ST8SIA1: variants seen among roughly 807,000 people sequenced by gnomAD.
ST8SIA1 encodes the protein alpha-N-acetylneuraminide alpha-2,8-sialyltransferase.
Under a neutral mutation model 35.9 loss-of-function variants are expected in ST8SIA1, and 16 were observed. The observed-to-expected ratio is 0.45, with a 90% CI of 0.30 to 0.68. The LOEUF (loss-of-function observed/expected upper bound fraction) is 0.68. Ranked by LOEUF, ST8SIA1 falls within the 30% of genes least tolerant of loss-of-function variation. The pLI is 0.09. For missense variants in ST8SIA1, 383 were observed against 453.6 expected (o/e 0.84, Z 1.41); for synonymous variants, 170 against 169.6 (o/e 1.00, Z -0.02).
chr12:22,334,144 A>G lies in ST8SIA1; in HGVS notation c.89T>C (p.Met30Thr). 1 of 1,613,980 alleles carries G rather than the reference A, an allele frequency of 6.2e-7. No individual in the cohort carries two copies. Among genetic ancestry groups the G allele is most frequent in the Non-Finnish European group, 8.5e-7 (1 of 1,179,968 alleles). The change falls in exon 1 of 5, where the codon ATG becomes ACG. Residue 30 changes from methionine (M) to threonine (T), a missense_variant. By Grantham distance (81) the Met-to-Thr change is moderately conservative (BLOSUM62 -1). Coordinates refer to ENST00000396037, the MANE Select transcript of ST8SIA1 (RefSeq NM_003034.4). ...CACGACACAGAGGGCACTGGCTCCCATGGGCAGCCGGGTCCGCGGGAACTT... is the reference window on the plus strand; with the variant it reads ...CACGACACAGAGGGCACTGGCTCCCGTGGGCAGCCGGGTCCGCGGGAACTT... ...AWKFPRTRLPMGASALCVVVL... is the reference protein window; with the variant it reads ...AWKFPRTRLPTGASALCVVVL...
intron 1 of ST8SIA1, among the ~76,000 whole-genome samples, chr12:22,300,222 G>T (rs1051674224): frequency 6.6e-6 from 1 of 152,086 alleles, no homozygotes; most frequent in African/African-American, 2.4e-5. Flanking sequence ...AGCAATTAAA[G>T]CCTCATCTCC....
chr12:22,314,327 C>T (rs1046946200), intron 1 of ST8SIA1, among the ~76,000 whole-genome samples: 1 of 152,132 alleles, frequency 6.6e-6, no homozygotes, highest in African/African-American at 2.4e-5. Flanking sequence ...GAAAGCCAGC[C>T]AGTATGCCTC....
In ST8SIA1 at chr12:22,215,794, C is replaced by T. The variant is rs114799173; in HGVS notation, c.585-13756G>A. ...ATTTTCATAGCATCTCTTAAGTTTACCTTTCCATCTATCTATTACAGTGTT... is the reference window on the plus strand; with the variant it reads ...ATTTTCATAGCATCTCTTAAGTTTATCTTTCCATCTATCTATTACAGTGTT... On this transcript the variant is annotated intron_variant, in intron 4 of 4. Coordinates refer to ENST00000396037, the MANE Select transcript of ST8SIA1 (RefSeq NM_003034.4). Among the ~76,000 whole-genome samples, 768 of 152,344 alleles carry T rather than the reference C, an allele frequency of 5.0e-3. 11 individuals are homozygous for T. The highest frequency in any genetic ancestry group is 0.018 in the African/African-American group (735 of 41,570).
intron 1 of ST8SIA1, among the ~76,000 whole-genome samples, chr12:22,295,703 G>A (rs1261225052): frequency 6.6e-6 from 1 of 152,192 alleles, no homozygotes; most frequent in Non-Finnish European, 1.5e-5. Context: ...CTGCACTCCA[G>A]CCTGGGCAAC....
intron 2 of ST8SIA1, 100 bp from the exon 3 acceptor site, chr12:22,255,489 A>G: frequency 2.0e-6 from 2 of 1,016,182 alleles, no homozygotes; most frequent in Non-Finnish European, 3.1e-6. Context: ...TTGACTGAAG[A>G]CTGAGTCCAG....
At chr12:22,255,196 T>C in intron 3 of ST8SIA1, 84 bp downstream of exon 3, 1 of 1,049,650 alleles carries the variant, frequency 9.5e-7, no homozygotes, top group East Asian at 2.4e-5. Context: ...CACAAGTGAC[T>C]AGTTTTGAAA....
chr12:22,208,273 T>A (rs1591823946), intron 4 of ST8SIA1, among the ~76,000 whole-genome samples: 1 of 152,252 alleles, frequency 6.6e-6, no homozygotes. Context: ...AAAAATTTTT[T>A]AAACATATTT....
chr12:22,238,457 G>A (rs1865501105), intron 4 of ST8SIA1, among the ~76,000 whole-genome samples: 1 of 152,220 alleles, frequency 6.6e-6, no homozygotes, highest in South Asian at 2.1e-4. Context: ...CAGGAAGGGA[G>A]ATGTTTGGCC....
chr12:22,248,979 T>C lies in ST8SIA1; in HGVS notation c.584+27A>G, dbSNP rs377703783. 7 of 1,545,452 alleles carry C rather than the reference T, an allele frequency of 4.5e-6. No individual in the cohort carries two copies. In the African/African-American group the frequency reaches 9.5e-5, roughly 21 times the overall value. On this transcript the variant is annotated intron_variant, in intron 4 of 4. Coordinates refer to ENST00000396037, the MANE Select transcript of ST8SIA1 (RefSeq NM_003034.4). ...CTTGAGAAGACTTCATCTTCGTTCG[T>C]CACAAACAGAAGTCATAAACTCTTA...
intron 1 of ST8SIA1, among the ~76,000 whole-genome samples, chr12:22,321,127 G>A (rs1012098230): frequency 6.6e-6 from 1 of 152,108 alleles, no homozygotes; most frequent in Admixed American, 6.5e-5. Flanking sequence ...AGACACACCA[G>A]GCACTGCACT....
chr12:22,261,836 TC>T lies in ST8SIA1; in HGVS notation c.382-6448del, dbSNP rs370092170. ...TCTCAAACAGCCCTAATACCTAACTTCCCTGTTCATTCATCAACTTTTCATT... is the reference window on the plus strand; with the variant it reads ...TCTCAAACAGCCCTAATACCTAACTTCCTGTTCATTCATCAACTTTTCATT... On this transcript the variant is annotated intron_variant, in intron 2 of 4. Coordinates refer to ENST00000396037, the MANE Select transcript of ST8SIA1 (RefSeq NM_003034.4). Among the ~76,000 whole-genome samples, 77 of 152,198 alleles carry T rather than the reference TC, an allele frequency of 5.1e-4. 2 individuals are homozygous for T. Among genetic ancestry groups the T allele is most frequent in the African/African-American group, 1.8e-3 (75 of 41,508 alleles).
rs1482137821 is a variant in ST8SIA1 at position 22,197,597 on chromosome 12, G to A, written c.*3955C>T. 6.6e-6 allele frequency: 1 copy of A among 152,114 alleles called. No individual in the cohort carries two copies. The highest frequency in any genetic ancestry group is 1.5e-5 in the Non-Finnish European group (1 of 68,008). The allele number at this position is 152,114 out of a possible 1,614,324, so 9.4% of individuals were successfully genotyped here. On this transcript the variant is annotated 3_prime_UTR_variant, in exon 5 of 5. Transcript: ENST00000396037. ...TGTTATCAATATTGTTTCCATTTTG[G>A]ATCATCTATAACACTCTTGTAAAGC... is the stretch of plus-strand genomic sequence containing the variant.
chr12:22,287,347 A>T (rs2287166), intron 1 of ST8SIA1, 54 bp from the exon 2 acceptor site: 439,882 of 1,562,138 alleles, frequency 0.28, 63,325 homozygotes, highest in Middle Eastern at 0.37. Context: ...TGAGGAGCAG[A>T]TTCATTCACT....
intron 1 of ST8SIA1, among the ~76,000 whole-genome samples, chr12:22,314,496 T>C (rs1023189055): frequency 6.6e-6 from 1 of 152,000 alleles, no homozygotes; most frequent in Non-Finnish European, 1.5e-5. Flanking sequence ...TCTAACAATT[T>C]AAAGAAAAAT....
rs1375910996 is a variant in ST8SIA1, at chr12:22,287,048, CAAA to C, written c.381+98_381+100del. On this transcript the variant is annotated intron_variant, in intron 2 of 4. Transcript: ENST00000396037. ...ACATTTAAAGAGAGAAGAAAGAAAA[CAAA>C]AAGTCAATCTGATGAGTAAGGCAAA... 3.5e-6 allele frequency: 4 copies of C among 1,138,542 alleles called. No homozygotes were observed. The African/African-American group carries it at 6.3e-5, about 18-fold the overall frequency. The allele number at this position is 1,138,542 out of a possible 1,614,324, so 70.5% of individuals were successfully genotyped here.
chr12:22,218,446 C>T (rs1236270982), intron 4 of ST8SIA1, among the ~76,000 whole-genome samples: 2 of 151,616 alleles, frequency 1.3e-5, no homozygotes, highest in Non-Finnish European at 2.9e-5. Context: ...GGCAAAACCC[C>T]GTCTCTATAA....
intron 4 of ST8SIA1, among the ~76,000 whole-genome samples, chr12:22,215,609 G>A (rs1420109483): frequency 6.6e-6 from 1 of 152,084 alleles, no homozygotes; most frequent in Non-Finnish European, 1.5e-5. Flanking sequence ...AGATCTGTGG[G>A]AAGCATCTCA....
intron 2 of ST8SIA1, among the ~76,000 whole-genome samples, chr12:22,262,503 T>C (rs905274296): frequency 6.6e-6 from 1 of 152,120 alleles, no homozygotes; most frequent in African/African-American, 2.4e-5. Context: ...TTACACCTAC[T>C]CATCTTCCAA....
intron 2 of ST8SIA1, among the ~76,000 whole-genome samples, chr12:22,285,212 G>A (rs149923784): frequency 6.6e-6 from 1 of 152,252 alleles, no homozygotes; most frequent in African/African-American, 2.4e-5. Context: ...TTTGAAATGA[G>A]GAGGAGAATT....
Sources: allele counts gnomAD v4.1 joint callset (sites outside exome capture counted in the v4.1 genomes callset), GRCh38; gene constraint gnomAD v4.1.1; transcripts MANE v1.5; gene names NCBI Gene and HGNC (gene_info 2026-07-23, HGNC 2026-07-21).